PALLD: variants seen among roughly 807,000 people sequenced by gnomAD.
PALLD encodes palladin, cytoskeletal associated protein, also known as palladin.
Under a neutral mutation model 123.5 loss-of-function variants are expected in PALLD, and 61 were observed. The ratio of observed to expected loss-of-function variants is 0.49; its 90% CI spans 0.40 to 0.61. The LOEUF is 0.61. PALLD is among the 20% of genes least tolerant of loss of function. The pLI is 0.00. For synonymous variants in PALLD, 465 were observed against 496.4 expected, an observed-to-expected ratio of 0.94 and a Z score of 0.84; for missense variants, 1,273 against 1,377.0, an observed-to-expected ratio of 0.92 and a Z score of 1.20.
At position 168,890,960 on chromosome 4, in the gene PALLD, C is replaced by T; in HGVS notation, c.2003C>T (p.Ala668Val). ...AAGGCCAGTAGAACTGCTAGAATAGCCTCCGATGAGGAAATTCAAGGCACA... is the reference window on the plus strand; with the variant it reads ...AAGGCCAGTAGAACTGCTAGAATAGTCTCCGATGAGGAAATTCAAGGCACA... ...PKKASRTARI[A>V]SDEEIQGTKD... Residue 668 changes from alanine to valine, a missense_variant, in exon 11 of 22, where the codon GCC becomes GTC. Ala to Val is a moderately conservative substitution (Grantham distance 64, BLOSUM62 0). This residue lies in a region of PALLD where 944 missense variants were observed against 954.5 expected (regional missense o/e 0.99). Transcript: ENST00000505667. 1.9e-6 allele frequency: 3 copies of T among 1,613,884 alleles called. No individual in the cohort carries two copies. In the South Asian group the frequency reaches 3.3e-5, roughly 18 times the overall value.
chr4:168,664,233 G>C lies in PALLD; in HGVS notation c.909-3957G>C, dbSNP rs138350792. ...CTGTACTGTTTCTTCCATGGAATTTGTACTTTAAAAAAATAAATTAAGACT... is the reference window on the plus strand; with the variant it reads ...CTGTACTGTTTCTTCCATGGAATTTCTACTTTAAAAAAATAAATTAAGACT... On this transcript the variant is annotated intron_variant, in intron 2 of 21. Transcript: ENST00000505667. Among the ~76,000 whole-genome samples the C allele has an allele frequency of 5.0e-3, 763 of 151,994 alleles. 10 individuals carry two copies. The highest frequency in any genetic ancestry group is 0.017 in the African/African-American group (722 of 41,372).
chr4:168,535,304 T>A (rs551000977), intron 2 of PALLD, among the ~76,000 whole-genome samples: 1 of 152,336 alleles, frequency 6.6e-6, no homozygotes, highest in East Asian at 1.9e-4. Context: ...TTCACAAGAA[T>A]TAAGTGGCTT....
At chr4:168,703,729 A>G (rs1211650975) in intron 8 of PALLD, among the ~76,000 whole-genome samples, 41 of 142,900 alleles carry the variant, frequency 2.9e-4, no homozygotes, top group African/African-American at 1.1e-3. Flanking sequence ...GTCTGTTCAT[A>G]TCCTTTGCCC....
intron 17 of PALLD, 124 bp downstream of exon 17, chr4:168,916,151 A>G (rs1321280983): frequency 1.0e-6 from 1 of 952,386 alleles, no homozygotes; most frequent in East Asian, 2.4e-5. Flanking sequence ...AGTGGCTCAC[A>G]CCTATAATCC....
intron 10 of PALLD, among the ~76,000 whole-genome samples, chr4:168,759,203 ATATATATATATATATATATATATAT>A (rs756778468): frequency 0.056 from 2,192 of 39,476 alleles, 453 homozygotes; most frequent in East Asian, 0.22. Flanking sequence ...AAAAAAAAAA[ATATATATATATATATATATATATAT>A]ATATATATAT....
intron 2 of PALLD, among the ~76,000 whole-genome samples, chr4:168,629,762 C>T (rs949203753): frequency 1.3e-5 from 2 of 152,142 alleles, no homozygotes; most frequent in Admixed American, 6.5e-5. Flanking sequence ...AATGGGCAGG[C>T]ACATCACAGA....
At chr4:168,583,539 C>T (rs768186896) in intron 2 of PALLD, among the ~76,000 whole-genome samples, 1 of 152,044 alleles carries the variant, frequency 6.6e-6, no homozygotes, top group Non-Finnish European at 1.5e-5. Flanking sequence ...TTACATAGAC[C>T]GTCATCTTCA....
rs79783966 is a variant in PALLD, at chr4:168,562,248, C to T, written c.908+49836C>T. Among the ~76,000 whole-genome samples, 207 of 152,292 alleles carry T rather than the reference C, an allele frequency of 1.4e-3. No homozygotes were observed. The East Asian group carries it at 0.02, about 14-fold the overall frequency. On this transcript the variant is annotated intron_variant, in intron 2 of 21. Transcript: ENST00000505667. ...TGTTCTGTGCCTTTTATATTTCTGG[C>T]ACTGTACTAGGTGATTTACATATAT...
At chr4:168,853,610 C>G (rs1000209190) in intron 10 of PALLD, among the ~76,000 whole-genome samples, 2 of 151,978 alleles carry the variant, frequency 1.3e-5, no homozygotes, top group African/African-American at 4.8e-5. Flanking sequence ...GAGACAGAGA[C>G]AGGTGTGCAG....
At chr4:168,520,330 A>AC in intron 2 of PALLD, among the ~76,000 whole-genome samples, 1 of 84,300 alleles carries the variant, frequency 1.2e-5, no homozygotes, top group Admixed American at 1.2e-4. Context: ...CCGTCACCAA[A>AC]AAAAAAAAAA....
chr4:168,715,228 A>G (rs1002030739), intron 10 of PALLD, among the ~76,000 whole-genome samples: 1 of 152,100 alleles, frequency 6.6e-6, no homozygotes, highest in Non-Finnish European at 1.5e-5. Flanking sequence ...TCGTGGACGC[A>G]TCCACTTCAG....
At chr4:168,690,257 C>T (rs1782491536) in intron 6 of PALLD, among the ~76,000 whole-genome samples, 1 of 152,300 alleles carries the variant, frequency 6.6e-6, no homozygotes, top group East Asian at 1.9e-4. Flanking sequence ...CACATTCCAC[C>T]TGCTTCCTTT....
At chr4:168,883,594 G>T (rs1752927003) in intron 10 of PALLD, among the ~76,000 whole-genome samples, 1 of 152,204 alleles carries the variant, frequency 6.6e-6, no homozygotes, top group South Asian at 2.1e-4. Flanking sequence ...ATGCTTTCAA[G>T]ATTATTCAGT....
At chr4:168,785,945 G>A (rs1736690716) in intron 10 of PALLD, among the ~76,000 whole-genome samples, 1 of 149,048 alleles carries the variant, frequency 6.7e-6, no homozygotes. Context: ...AATGCATAGA[G>A]GGAGAGAGAT....
intron 10 of PALLD, among the ~76,000 whole-genome samples, chr4:168,818,819 C>T (rs1742323294): frequency 6.6e-6 from 1 of 151,990 alleles, no homozygotes; most frequent in Non-Finnish European, 1.5e-5. Flanking sequence ...AATGATTAAG[C>T]CTATGAAGGC....
At chr4:168,812,523 A>T (rs1186821907) in intron 10 of PALLD, among the ~76,000 whole-genome samples, 5 of 152,226 alleles carry the variant, frequency 3.3e-5, no homozygotes. Flanking sequence ...AGCCTCCAGG[A>T]TGGCAATCTG....
chr4:168,667,873 A>G (rs1030729109), intron 2 of PALLD, among the ~76,000 whole-genome samples: 62 of 152,198 alleles, frequency 4.1e-4, no homozygotes, highest in African/African-American at 1.4e-3. Flanking sequence ...TGGAGGAGGT[A>G]TTTGTTATAA....
At chr4:168,703,124 G>A (rs1171932902) in intron 8 of PALLD, among the ~76,000 whole-genome samples, 14 of 140,684 alleles carry the variant, frequency 1.0e-4, no homozygotes, top group Middle Eastern at 3.7e-3. Flanking sequence ...TAATCTCATT[G>A]TTCAGTTCCC....
At chr4:168,859,795 A>G (rs972301558) in intron 10 of PALLD, among the ~76,000 whole-genome samples, 4 of 152,240 alleles carry the variant, frequency 2.6e-5, no homozygotes, top group African/African-American at 4.8e-5. Context: ...AACCACCACA[A>G]TGAAGACCAC....
Sources: allele counts gnomAD v4.1 joint callset (sites outside exome capture counted in the v4.1 genomes callset), GRCh38; gene constraint gnomAD v4.1.1; regional missense constraint gnomAD v4.1.1; transcripts MANE v1.5; gene names NCBI Gene and HGNC (gene_info 2026-07-23, HGNC 2026-07-21).